Variants in BRD1 observed in about 807,000 individuals in gnomAD.
BRD1 encodes bromodomain containing 1.
In BRD1, 24 loss-of-function variants were observed where a neutral mutation model predicts 107.7. The observed-to-expected ratio is 0.22, with a 90% CI of 0.16 to 0.31. The LOEUF (loss-of-function observed/expected upper bound fraction) is 0.31, where lower values mean the gene tolerates loss of function less well. Among genes scored for constraint, BRD1 ranks in the 10% least tolerant of loss-of-function variants. BRD1 has a pLI of 1.00. For synonymous variants in BRD1, 744 were observed against 686.1 expected, an observed-to-expected ratio of 1.08 and a Z score of -1.32; for missense variants, 1,279 against 1,638.6, an observed-to-expected ratio of 0.78 and a Z score of 3.79.
chr22:49,804,553 T>C (rs142080837), intron 2 of BRD1, among the ~76,000 whole-genome samples, 193 bp from the exon 3 acceptor site: 53 of 152,326 alleles, frequency 3.5e-4, no homozygotes, highest in African/African-American at 1.2e-3. Flanking sequence ...TTTGAAGATT[T>C]CATCCACTTT....
chr22:49,809,541 C>CAA (rs138862), intron 2 of BRD1, among the ~76,000 whole-genome samples: 1,665 of 146,138 alleles, frequency 0.011, 21 homozygotes, highest in South Asian at 0.031. Context: ...ACTTCGTCTC[C>CAA]AAAAAAAATA....
chr22:49,804,681 T>G (rs1467649127), intron 2 of BRD1, among the ~76,000 whole-genome samples: 1 of 152,128 alleles, frequency 6.6e-6, no homozygotes, highest in African/African-American at 2.4e-5. Context: ...AAACCCCGTC[T>G]CTACCAAAAA....
In BRD1 at chr22:49,777,718, A is replaced by T; in HGVS notation, c.2953T>A (p.Ser985Thr). 6.2e-7 allele frequency: 1 copy of T among 1,608,116 alleles called. No individual in the cohort carries two copies. Among genetic ancestry groups the T allele is most frequent in the Non-Finnish European group, 8.5e-7 (1 of 1,178,344 alleles). Residue 985 changes from serine (S) to threonine (T), a missense_variant, in exon 9 of 13, where the codon TCC (serine) becomes ACC (threonine). This residue lies in a region of BRD1 where 263 missense variants were observed against 251.6 expected (regional missense o/e 1.05). Coordinates refer to ENST00000404760, the MANE Select transcript of BRD1 (RefSeq NM_001304808.3). The stretch of plus-strand genomic sequence containing the variant: ...GGGCTGTTGCTGGAGGAGATGCTGG[A>T]CTCGGAGGCACAGCGTCGTCGGGGT... Reference protein sequence around the residue: ...ATPRRRCASESSISSSNSPLC... With the variant: ...ATPRRRCASETSISSSNSPLC...
At chr22:49,782,610 A>C (rs553916246) in intron 8 of BRD1, among the ~76,000 whole-genome samples, 1,506 of 121,786 alleles carry the variant, frequency 0.012, 26 homozygotes, top group African/African-American at 0.044. Flanking sequence ...CAGAGACAGA[A>C]CCAAGGCCCA....
intron 8 of BRD1, among the ~76,000 whole-genome samples, chr22:49,779,363 G>A (rs2059160447): frequency 6.6e-6 from 1 of 152,186 alleles, no homozygotes; most frequent in African/African-American, 2.4e-5. Context: ...CAATGAGCAT[G>A]ACTGACTGAA....
Position 49,774,106 on chromosome 22 carries a change from C to G in BRD1, c.*127G>C. ...TAGAAAACTTGGAAATAAAACCTCCCCCCTCCCCGGGGAAAAAGAATTAAA... is the reference window on the plus strand; with the variant it reads ...TAGAAAACTTGGAAATAAAACCTCCGCCCTCCCCGGGGAAAAAGAATTAAA... On this transcript the variant is annotated 3_prime_UTR_variant, in exon 13 of 13. Transcript: ENST00000404760. 7.6e-7 allele frequency: 1 copy of G among 1,311,776 alleles called. No homozygotes were observed. The highest frequency in any genetic ancestry group is 1.0e-6 in the Non-Finnish European group (1 of 983,748). The allele number at this position is 1,311,776 out of a possible 1,614,324, so 81.3% of individuals were successfully genotyped here.
chr22:49,802,022 C>T (rs917475090), intron 3 of BRD1, among the ~76,000 whole-genome samples: 2 of 152,262 alleles, frequency 1.3e-5, no homozygotes, highest in Non-Finnish European at 2.9e-5. Flanking sequence ...TGCCCTTCAA[C>T]AGCTCCTCTG....
Position 49,803,345 on chromosome 22 carries a change from G to A in BRD1, c.1524+859C>T, listed in dbSNP as rs1416599174. ...GATGGTTTCGCTTCGTGCCCAGGAT[G>A]GCAGTGAAAAGCACCATGAGGAAAT... On this transcript the variant is annotated intron_variant, in intron 3 of 12. Transcript: ENST00000404760. This position sits in a 1 kb window ranked among gnomAD's most constrained non-coding sequence, Gnocchi z 4.4. Among the ~76,000 whole-genome samples the A allele has an allele frequency of 1.3e-5, 2 of 152,214 alleles. No individual in the cohort carries two copies. The highest frequency in any genetic ancestry group is 1.3e-4 in the Admixed American group (2 of 15,280).
chr22:49,819,898 G>C (rs887776242), intron 2 of BRD1, among the ~76,000 whole-genome samples: 1 of 152,058 alleles, frequency 6.6e-6, no homozygotes, highest in Non-Finnish European at 1.5e-5. Context: ...GGGAGTTCGA[G>C]GCGGGTGGAT....
intron 8 of BRD1, 76 bp downstream of exon 8, chr22:49,787,314 T>A: frequency 5.6e-6 from 2 of 355,168 alleles, no homozygotes; most frequent in Non-Finnish European, 9.1e-6. Context: ...CCCCCCCCCG[T>A]CACACCAATG....
chr22:49,775,815 A>ACCCCCCCCCCC, intron 11 of BRD1, 70 bp from the exon 12 acceptor site: 8 of 1,141,502 alleles, frequency 7.0e-6, no homozygotes, highest in South Asian at 5.7e-5. Flanking sequence ...TGTCACTGGC[A>ACCCCCCCCCCC]CCCCCCCCCG....
chr22:49,813,127 A>G (rs1256798643), intron 2 of BRD1, among the ~76,000 whole-genome samples: 1 of 152,162 alleles, frequency 6.6e-6, no homozygotes, highest in Non-Finnish European at 1.5e-5. Flanking sequence ...ACCATGGCTC[A>G]CCCCTATGAT....
rs941852323 is a variant in BRD1 at position 49,814,839 on chromosome 22, T to G, written c.1367+8112A>C. ...CTTCACATAAATTTTCAACCCCACT[T>G]CTACCAAAAGTAAGTAAATATGGTG... On this transcript the variant is annotated intron_variant, in intron 2 of 12. Coordinates refer to ENST00000404760, the MANE Select transcript of BRD1 (RefSeq NM_001304808.3). 3.9e-5 allele frequency among the ~76,000 whole-genome samples: 6 copies of G among 152,158 alleles called. No individual in the cohort carries two copies. In the East Asian group the frequency reaches 1.2e-3, roughly 29 times the overall value.
intron 7 of BRD1, among the ~76,000 whole-genome samples, chr22:49,791,212 C>A (rs1333952094): frequency 2.6e-5 from 4 of 152,244 alleles, no homozygotes; most frequent in Non-Finnish European, 5.9e-5. Flanking sequence ...CAGCTCACAG[C>A]AACAGCCCGA....
At chr22:49,820,874 T>G (rs993963611) in intron 2 of BRD1, 6 of 152,300 alleles carry the variant, frequency 3.9e-5, no homozygotes, top group Admixed American at 3.9e-4. Context: ...GCTCCTCCAC[T>G]GGTGGCAAGG....
chr22:49,817,120 C>T (rs2147338599), intron 2 of BRD1: 1 of 153,176 alleles, frequency 6.5e-6, no homozygotes. Context: ...GTGACCATCT[C>T]TCCTTGCCAC....
At chr22:49,779,963 G>A (rs967746902) in intron 8 of BRD1, among the ~76,000 whole-genome samples, 8 of 152,194 alleles carry the variant, frequency 5.3e-5, no homozygotes, top group South Asian at 2.1e-4. Context: ...CCCACAGCCC[G>A]GCCCCCAGCA....
At chr22:49,775,451 C>T (rs575537389) in intron 12 of BRD1, 140 bp downstream of exon 12, 16 of 831,612 alleles carry the variant, frequency 1.9e-5, no homozygotes, top group African/African-American at 7.1e-5. Context: ...AGGCAAACAG[C>T]GGAGCACTCA....
intron 3 of BRD1, among the ~76,000 whole-genome samples, chr22:49,800,507 C>G (rs1364379865): frequency 6.6e-6 from 1 of 152,184 alleles, no homozygotes; most frequent in Non-Finnish European, 1.5e-5. Context: ...CTTCTGAAAA[C>G]CTCGGCCAAA....
Sources: gnomAD v4.1 joint callset for allele counts (sites outside exome capture counted in the v4.1 genomes callset) on GRCh38, gnomAD v4.1.1 for gene constraint, gnomAD v4.1.1 regional missense constraint, Gnocchi (gnomAD v3.1) non-coding constraint, MANE v1.5 for transcripts, NCBI Gene and HGNC (gene_info 2026-07-23, HGNC 2026-07-21) for gene names.